Variants in PRKDC observed in about 807,000 individuals in gnomAD.
The protein encoded by PRKDC is protein kinase, DNA-activated, catalytic subunit, also known as DNA-dependent protein kinase catalytic subunit.
In PRKDC, 82 loss-of-function variants were observed where a neutral mutation model predicts 486.9. That is an observed-to-expected ratio of 0.17 (90% CI 0.14 to 0.20). The LOEUF is 0.20. Among genes scored for constraint, PRKDC ranks in the 10% least tolerant of loss-of-function variants. The pLI, the probability that PRKDC is intolerant of heterozygous loss-of-function variation, is 1.00. For missense variants in PRKDC, 4,504 were observed against 5,038.2 expected (o/e 0.89, Z 3.21); for synonymous variants, 1,895 against 1,837.0 (o/e 1.03, Z -0.81).
At chr8:47,952,128 G>T (rs1259322154) in intron 7 of PRKDC, among the ~76,000 whole-genome samples, 1 of 152,182 alleles carries the variant, frequency 6.6e-6, no homozygotes, top group Non-Finnish European at 1.5e-5. Flanking sequence ...ATATCCAAAA[G>T]AATCAACAGC....
At chr8:47,882,164 C>T (rs1589763065) in intron 36 of PRKDC, 67 bp from the exon 37 acceptor site, 1 of 1,425,160 alleles carries the variant, frequency 7.0e-7, no homozygotes, top group East Asian at 2.3e-5. Context: ...ACAAAATTTA[C>T]CTTTATTTCA....
intron 50 of PRKDC, among the ~76,000 whole-genome samples, chr8:47,854,568 C>T (rs2154500404): frequency 6.6e-6 from 1 of 152,192 alleles, no homozygotes; most frequent in South Asian, 2.1e-4. Flanking sequence ...TCTCGATCTC[C>T]TGACCTCGTA....
chr8:47,928,154 C>CTTTTT (rs375267637), intron 19 of PRKDC, among the ~76,000 whole-genome samples: 1 of 131,000 alleles, frequency 7.6e-6, no homozygotes, highest in African/African-American at 2.8e-5. Context: ...GCTTGAGGGA[C>CTTTTT]TTTTTTTTTT....
At chr8:47,796,896 A>AT (rs948133932) in intron 73 of PRKDC, among the ~76,000 whole-genome samples, 8 of 151,952 alleles carry the variant, frequency 5.3e-5, no homozygotes, top group South Asian at 4.1e-4. Context: ...CTGGCTTTTT[A>AT]TTTTTTTAAC....
intron 73 of PRKDC, among the ~76,000 whole-genome samples, chr8:47,795,709 T>C (rs539974978): frequency 3.1e-4 from 47 of 150,232 alleles, no homozygotes; most frequent in African/African-American, 1.2e-3. Flanking sequence ...GCCAGACTGG[T>C]CTTGAACTCC....
At chr8:47,793,223 T>C (rs904504201) in intron 74 of PRKDC, among the ~76,000 whole-genome samples, 1 of 152,166 alleles carries the variant, frequency 6.6e-6, no homozygotes, top group Non-Finnish European at 1.5e-5. Context: ...CATCTTTTTC[T>C]CTTCTTTCAT....
Position 47,950,752 on chromosome 8 carries a change from G to A in PRKDC, c.721+2868C>T, listed in dbSNP as rs189663755. On this transcript the variant is annotated intron_variant, in intron 7 of 85. Transcript: ENST00000314191. ...TAATCCCAATGCTTTGGAGACTGAG[G>A]TGGGAGGGTCACTTGATGGGAGGAG... Among the ~76,000 whole-genome samples the A allele has an allele frequency of 2.1e-4, 32 of 152,304 alleles. No homozygotes were observed. The East Asian group carries it at 6.2e-3, about 29-fold the overall frequency.
chr8:47,892,626 C>CAG, intron 31 of PRKDC, among the ~76,000 whole-genome samples: 1 of 152,130 alleles, frequency 6.6e-6, no homozygotes, highest in Non-Finnish European at 1.5e-5. Context: ...CCTCTGCACC[C>CAG]AGCCAAGGAA....
chr8:47,900,495 C>T (rs780912037), intron 27 of PRKDC, 28 bp from the exon 28 acceptor site: 2 of 1,521,422 alleles, frequency 1.3e-6, no homozygotes, highest in African/African-American at 1.4e-5. Context: ...GGAAACCTCA[C>T]CTAAGAAAAC....
In PRKDC at chr8:47,933,069, A is replaced by G. The variant is rs2090284362; in HGVS notation, c.1727T>C (p.Val576Ala). 1 of 1,597,106 alleles carries G rather than the reference A, an allele frequency of 6.3e-7. No homozygotes were observed. Among genetic ancestry groups the G allele is most frequent in the Non-Finnish European group, 8.5e-7 (1 of 1,173,460 alleles). Reference protein sequence around the residue: ...DEFVKSVLKIVEKLDLTLEIQ... With the variant: ...DEFVKSVLKIAEKLDLTLEIQ... ...TTCAAGTGTAAGATCCAATTTCTCAACAATCTTCAAAACGGATTTTACAAA... is the reference window on the plus strand; with the variant it reads ...TTCAAGTGTAAGATCCAATTTCTCAGCAATCTTCAAAACGGATTTTACAAA... Residue 576 changes from valine to alanine, a missense_variant, in exon 16 of 86, where the codon GTT (valine) becomes GCT (alanine). By Grantham distance (64) the Val-to-Ala change is moderately conservative (BLOSUM62 0). Coordinates refer to ENST00000314191, the MANE Select transcript of PRKDC (RefSeq NM_006904.7).
At chr8:47,919,355 T>C (rs2090037045) in intron 21 of PRKDC, among the ~76,000 whole-genome samples, 1 of 152,266 alleles carries the variant, frequency 6.6e-6, no homozygotes, top group South Asian at 2.1e-4. Flanking sequence ...TCTAATGTTT[T>C]CTCATGATTA....
intron 63 of PRKDC, 124 bp downstream of exon 63, chr8:47,826,532 A>C: frequency 9.9e-7 from 1 of 1,009,974 alleles, no homozygotes; most frequent in Non-Finnish European, 1.4e-6. Flanking sequence ...CTTTTCTTTT[A>C]AATTTCACAT....
intron 40 of PRKDC, among the ~76,000 whole-genome samples, chr8:47,873,730 T>C (rs2154501126): frequency 6.6e-6 from 1 of 152,214 alleles, no homozygotes; most frequent in East Asian, 1.9e-4. Context: ...TGGAAATCAG[T>C]ATCTTATGTG....
At chr8:47,856,249 C>T (rs891004135) in intron 49 of PRKDC, among the ~76,000 whole-genome samples, 3 of 151,898 alleles carry the variant, frequency 2.0e-5, no homozygotes, top group Non-Finnish European at 2.9e-5. Flanking sequence ...GCTGGGGGAA[C>T]GTAGTCTCAC....
At chr8:47,926,306 T>C (rs1206005536) in intron 21 of PRKDC, among the ~76,000 whole-genome samples, 1 of 152,170 alleles carries the variant, frequency 6.6e-6, no homozygotes, top group Non-Finnish European at 1.5e-5. Context: ...TCTTTCTTCA[T>C]GAACTCTGCA....
chr8:47,831,642 C>CA (rs1394688140), intron 60 of PRKDC, among the ~76,000 whole-genome samples, 172 bp downstream of exon 60: 1 of 152,182 alleles, frequency 6.6e-6, no homozygotes, highest in Non-Finnish European at 1.5e-5. Context: ...ACCAGAGCGC[C>CA]ATGAGGGCTG....
At position 47,935,049 on chromosome 8, in the gene PRKDC, C is replaced by A. The variant is rs1038992865; in HGVS notation, c.1457G>T (p.Gly486Val). 17 of 1,507,932 alleles carry A rather than the reference C, an allele frequency of 1.1e-5. No homozygotes were observed. Among genetic ancestry groups the A allele is most frequent in the African/African-American group, 4.2e-5 (3 of 71,206 alleles). The allele number at this position is 1,507,932 out of a possible 1,614,324, so 93.4% of individuals were successfully genotyped here. Residue 486 changes from glycine to valine, a missense_variant, in exon 14 of 86, where the codon GGT (glycine) becomes GTT (valine). Physicochemically the swap from Gly to Val is moderately radical, Grantham distance 109. Around this residue, in one of 6 missense-constraint regions of PRKDC, gnomAD observed 1,969 missense variants for 2,068.9 expected, o/e 0.95. Transcript: ENST00000314191. Reference protein sequence around the residue: ...RNCISTVVHQGLIRICSKPVV... With the variant: ...RNCISTVVHQVLIRICSKPVV... Reference sequence around the variant, plus strand: ...TGGTTTAGAACATATTCTGATTAAACCCTGATGCACTGAAAAAAGAAAAAG... The same window carrying A: ...TGGTTTAGAACATATTCTGATTAAAACCTGATGCACTGAAAAAAGAAAAAG...
At position 47,927,833 on chromosome 8, in the gene PRKDC, G is replaced by A. The variant is rs1311346330; in HGVS notation, c.2197C>T (p.Leu733Phe). ...ATGATGTTGTGTGGCAAGGACAGAA[G>A]AAAGGTCAAACAAGAGGCCAAAAGT... ...DELLASCLTF[L>F]LSLPHNIIEL... The change falls in exon 20 of 86, where the codon CTT becomes TTT. Residue 733 changes from leucine to phenylalanine, a missense_variant. Transcript: ENST00000314191. 3 of 1,596,414 alleles carry A rather than the reference G, an allele frequency of 1.9e-6. No homozygotes were observed. The highest frequency in any genetic ancestry group is 3.5e-5 in the Admixed American group (2 of 56,768).
intron 7 of PRKDC, among the ~76,000 whole-genome samples, chr8:47,948,741 C>A (rs2090578746): frequency 6.6e-6 from 1 of 152,142 alleles, no homozygotes; most frequent in Admixed American, 6.6e-5. Flanking sequence ...GGATTACAGG[C>A]GTGAGCCACC....
Sources: gnomAD v4.1 joint callset for allele counts (sites outside exome capture counted in the v4.1 genomes callset) on GRCh38, gnomAD v4.1.1 for gene constraint, gnomAD v4.1.1 regional missense constraint, MANE v1.5 for transcripts, NCBI Gene and HGNC (gene_info 2026-07-23, HGNC 2026-07-21) for gene names.